Variants in GATB observed in about 807,000 individuals in gnomAD.
GATB encodes the protein glutamyl-tRNA amidotransferase subunit B.
Under a neutral mutation model 62.3 loss-of-function variants are expected in GATB, and 39 were observed. The ratio of observed to expected loss-of-function variants is 0.63; its 90% CI spans 0.48 to 0.82. The LOEUF (loss-of-function observed/expected upper bound fraction) is 0.82. Ranked by LOEUF, GATB falls within the 40% of genes least tolerant of loss-of-function variation. GATB has a pLI of 0.00. For synonymous variants in GATB, 276 were observed against 258.9 expected (o/e 1.07, Z -0.63); for missense variants, 670 against 684.0 (o/e 0.98, Z 0.23).
intron 2 of GATB, among the ~76,000 whole-genome samples, chr4:151,732,300 G>T (rs1011033087): frequency 1.1e-4 from 17 of 152,372 alleles, no homozygotes; most frequent in African/African-American, 3.6e-4. Context: ...GTGGGGAAAA[G>T]ATAGAGAAAT....
Position 151,701,352 on chromosome 4 carries a change from G to T in GATB, c.1174C>A (p.Leu392Met). The T allele has an allele frequency of 6.4e-7, 1 of 1,566,814 alleles. No individual in the cohort carries two copies. Among genetic ancestry groups the T allele is most frequent in the South Asian group, 1.2e-5 (1 of 83,004 alleles). ...ACCAGCAAAGTGAAGCTGTGTTCCA[G>T]CAGCATCCCATACTGTTGGACAAGC... ...EKLVQQYGMLLEHSFTLLNEV... is the reference protein window; with the variant it reads ...EKLVQQYGMLMEHSFTLLNEV... Residue 392 changes from leucine to methionine, a missense_variant, in exon 9 of 13, where the codon CTG becomes ATG. By Grantham distance (15) the Leu-to-Met change is conservative. Coordinates refer to ENST00000263985, the MANE Select transcript of GATB (RefSeq NM_004564.3).
intron 2 of GATB, among the ~76,000 whole-genome samples, chr4:151,728,861 A>G (rs1016137519): frequency 6.6e-6 from 1 of 152,246 alleles, no homozygotes; most frequent in Admixed American, 6.5e-5. Context: ...CCAAACTCTA[A>G]GTAAGAAATG....
At chr4:151,748,283 C>T (rs1287847929) in intron 2 of GATB, among the ~76,000 whole-genome samples, 1 of 152,184 alleles carries the variant, frequency 6.6e-6, no homozygotes, top group Non-Finnish European at 1.5e-5. Flanking sequence ...GCTACAGTAA[C>T]CAGAACAGCA....
At position 151,735,507 on chromosome 4, in the gene GATB, T is replaced by G. The variant is rs552145542; in HGVS notation, c.328-15969A>C. On this transcript the variant is annotated intron_variant, in intron 2 of 12. Coordinates refer to ENST00000263985, the MANE Select transcript of GATB (RefSeq NM_004564.3). ...CACCGCTGGTGGGAATGTAAACTAG[T>G]ACAACTGCTATGGAAAACAGTATGG... Among the ~76,000 whole-genome samples, 9 of 152,076 alleles carry G rather than the reference T, an allele frequency of 5.9e-5. No individual in the cohort carries two copies. The South Asian group carries it at 1.5e-3, about 25-fold the overall frequency.
At chr4:151,714,706 G>A (rs933101049) in intron 5 of GATB, among the ~76,000 whole-genome samples, 1 of 152,138 alleles carries the variant, frequency 6.6e-6, no homozygotes, top group East Asian at 1.9e-4. Flanking sequence ...GAAGAAGAAT[G>A]GGATAATAAA....
chr4:151,671,459 C>A (rs1285729388), intron 12 of GATB, among the ~76,000 whole-genome samples, 157 bp from the exon 13 acceptor site: 1 of 152,154 alleles, frequency 6.6e-6, no homozygotes, highest in Non-Finnish European at 1.5e-5. Context: ...AGGGGCCTCA[C>A]TTCTGAGTAG....
rs10004508 is a variant in GATB, at chr4:151,697,016, T to C, written c.1197+4313A>G. Among the ~76,000 whole-genome samples, 973 of 152,328 alleles carry C rather than the reference T, an allele frequency of 6.4e-3. 10 individuals are homozygous for C. Among genetic ancestry groups the C allele is most frequent in the African/African-American group, 0.022 (919 of 41,562 alleles). ...AGGTCATGTAGAGAAAAGGAAATGC[T>C]TATATACTGTTGCTGGGAATGTAAA... On this transcript the variant is annotated intron_variant, in intron 9 of 12. Transcript: ENST00000263985.
intron 9 of GATB, among the ~76,000 whole-genome samples, chr4:151,696,582 G>T (rs756965316): frequency 5.9e-5 from 9 of 152,180 alleles, no homozygotes; most frequent in Admixed American, 2.0e-4. Flanking sequence ...GGAAGTTATT[G>T]AACCAAAGAG....
rs1738601826 is a variant in GATB, at chr4:151,701,410, T to C, written c.1116A>G (p.Thr372=). The change falls in exon 9 of 13, where the codon ACA becomes ACG. Residue 372 remains threonine (T), a synonymous_variant. Coordinates refer to ENST00000263985, the MANE Select transcript of GATB (RefSeq NM_004564.3). ...GGGTCACACTGGGGAGCTCCGGGAG[T>C]GTCTCCCGAATCTGGTCAATATTGA... is the stretch of plus-strand genomic sequence containing the variant. ...QVINIDQIRE[T]LPELPSVTRE... is the part of the protein sequence containing the mutation. 1 of 1,604,268 alleles carries C rather than the reference T, an allele frequency of 6.2e-7. No homozygotes were observed. Among genetic ancestry groups the C allele is most frequent in the Non-Finnish European group, 8.5e-7 (1 of 1,175,274 alleles).
chr4:151,711,282 C>T (rs1002288467), intron 5 of GATB, among the ~76,000 whole-genome samples: 3 of 152,198 alleles, frequency 2.0e-5, no homozygotes, highest in Non-Finnish European at 2.9e-5. Flanking sequence ...TTTTCTAAAA[C>T]ATTCATCAGA....
Position 151,760,968 on chromosome 4 carries a change from C to T in GATB, c.15G>A (p.Met5Ile), listed in dbSNP as rs1197802904. The change falls in exon 1 of 13, where the codon ATG becomes ATA. Residue 5 changes from methionine (M) to isoleucine (I), a missense_variant. Physicochemically the swap from Met to Ile is conservative, Grantham distance 10 (BLOSUM62 1). Transcript: ENST00000263985. The stretch of plus-strand genomic sequence containing the variant: ...GTCTTCCACGGCAGCCCCAGCGCAG[C>T]ATGGGCGCCGCCATTGTAACTCCAG... MAAP[M>I]LRWGCRGRRW... The T allele has an allele frequency of 6.2e-7, 1 of 1,611,096 alleles. No individual in the cohort carries two copies. Among genetic ancestry groups the T allele is most frequent in the South Asian group, 1.1e-5 (1 of 90,632 alleles).
intron 2 of GATB, among the ~76,000 whole-genome samples, chr4:151,749,452 C>G (rs540154005): frequency 1.4e-5 from 2 of 144,148 alleles, no homozygotes; most frequent in Admixed American, 7.3e-5. Flanking sequence ...TAGGTGAGAA[C>G]TGAACAATAA....
intron 9 of GATB, among the ~76,000 whole-genome samples, chr4:151,695,527 G>T (rs1292955082): frequency 2.0e-5 from 3 of 152,110 alleles, no homozygotes; most frequent in Admixed American, 2.0e-4. Flanking sequence ...AGGCCCTCAA[G>T]AAACACTCAA....
chr4:151,682,976 G>A (rs948139259), intron 10 of GATB, among the ~76,000 whole-genome samples: 5 of 151,988 alleles, frequency 3.3e-5, no homozygotes, highest in African/African-American at 1.2e-4. Context: ...GCTGAGCCAC[G>A]GTTGAGAACT....
At chr4:151,674,758 G>C (rs899408968) in intron 11 of GATB, 1 of 152,178 alleles carries the variant, frequency 6.6e-6, no homozygotes, top group East Asian at 1.9e-4. Context: ...GACCAGTGTT[G>C]ATTTTGTTCA....
chr4:151,699,650 C>T (rs1276659594), intron 9 of GATB, among the ~76,000 whole-genome samples: 1 of 152,060 alleles, frequency 6.6e-6, no homozygotes, highest in African/African-American at 2.4e-5. Flanking sequence ...CATGAACGGC[C>T]GAGAGTGACA....
chr4:151,701,298 G>A (rs201619031), intron 9 of GATB, 31 bp downstream of exon 9: 36 of 1,477,438 alleles, frequency 2.4e-5, no homozygotes, highest in South Asian at 8.8e-5. Context: ...CTGCTGAGCC[G>A]GGATCCTCTT....
At chr4:151,729,860 G>T (rs555501071) in intron 2 of GATB, among the ~76,000 whole-genome samples, 44 of 152,266 alleles carry the variant, frequency 2.9e-4, no homozygotes, top group African/African-American at 1.0e-3. Flanking sequence ...GATGCTGGTC[G>T]GATCATGGCA....
chr4:151,726,554 A>C (rs1316809473), intron 2 of GATB, among the ~76,000 whole-genome samples: 4 of 152,220 alleles, frequency 2.6e-5, no homozygotes, highest in Non-Finnish European at 5.9e-5. Context: ...GACAAGGAGA[A>C]TGTGAAGGCT....
Sources: allele counts gnomAD v4.1 joint callset (sites outside exome capture counted in the v4.1 genomes callset), GRCh38; gene constraint gnomAD v4.1.1; transcripts MANE v1.5; gene names NCBI Gene and HGNC (gene_info 2026-07-23, HGNC 2026-07-21).